Variants in DMD observed in about 807,000 individuals in gnomAD.
DMD encodes the protein mutant dystrophin.
Under a neutral mutation model 330.1 loss-of-function variants are expected in DMD, and 63 were observed. The observed-to-expected ratio is 0.19, with a 90% CI of 0.16 to 0.24. DMD has a LOEUF of 0.24. DMD is among the 10% of genes least tolerant of loss of function. DMD has a pLI of 1.00. For synonymous variants in DMD, 1,223 were observed against 959.8 expected (o/e 1.27, Z -5.07); for missense variants, 3,344 against 2,684.1 (o/e 1.25, Z -5.43).
intron 19 of DMD, among the ~76,000 whole-genome samples, chrX:32,495,928 G>T (rs1266684078): frequency 9.0e-6 from 1 of 111,611 alleles, no homozygotes; most frequent in Non-Finnish European, 1.9e-5. Flanking sequence ...TTTTGTTGTA[G>T]CACATTAGAA....
rs979390230 is a variant in DMD, at chrX:32,448,323, C to T, written c.3786+133G>A. The T allele has an allele frequency of 1.5e-5, 10 of 676,255 alleles. No individual in the cohort carries two copies. In the Admixed American group the frequency reaches 2.7e-4, roughly 18 times the overall value. The allele number at this position is 676,255 out of a possible 1,213,427, so 55.7% of individuals were successfully genotyped here. ...GTTAAGCAAATGGCCCAAAGTCATA[C>T]AACTTATAAGTGCCTGAATGAGGAA... is the stretch of plus-strand genomic sequence containing the variant. On this transcript the variant is annotated intron_variant, in intron 27 of 78. Coordinates refer to ENST00000357033, the MANE Select transcript of DMD (RefSeq NM_004006.3).
At chrX:31,963,042 T>G (rs372194452) in intron 45 of DMD, among the ~76,000 whole-genome samples, 4 of 111,911 alleles carry the variant, frequency 3.6e-5, no homozygotes, top group African/African-American at 1.3e-4. Flanking sequence ...GGGTGGGGTC[T>G]GAATTTGTAA....
At chrX:31,418,601 T>C (rs970617418) in intron 60 of DMD, among the ~76,000 whole-genome samples, 2 of 112,029 alleles carry the variant, frequency 1.8e-5, no homozygotes, top group African/African-American at 3.2e-5. Flanking sequence ...TGCGCACCAA[T>C]AGCAAAAACT....
chrX:31,284,605 C>CTTCTTCTTCTTCTTCTTCTTCTTTTT (rs776178641), intron 62 of DMD, among the ~76,000 whole-genome samples: 1 of 91,093 alleles, frequency 1.1e-5, no homozygotes, highest in African/African-American at 4.3e-5. Context: ...TCTTCTTCTT[C>CTTCTTCTTCTTCTTCTTCTTCTTTTT]TTTTTTTTGG....
chrX:31,136,258 C>CTCTCCTCTT (rs1166304220), intron 76 of DMD, among the ~76,000 whole-genome samples: 1 of 111,514 alleles, frequency 9.0e-6, no homozygotes, highest in Non-Finnish European at 1.9e-5. Flanking sequence ...CAAACTCTCT[C>CTCTCCTCTT]TCTCCTCTTT....
intron 4 of DMD, among the ~76,000 whole-genome samples, chrX:32,840,845 T>C (rs1250919976): frequency 2.7e-5 from 3 of 112,132 alleles, no homozygotes; most frequent in Non-Finnish European, 5.6e-5. Flanking sequence ...CAAATGAAAC[T>C]GCTATGAACA....
At chrX:33,035,585 A>G (rs2094191332) in intron 1 of DMD, among the ~76,000 whole-genome samples, 1 of 111,966 alleles carries the variant, frequency 8.9e-6, no homozygotes, top group African/African-American at 3.2e-5. Flanking sequence ...TAATACAGTA[A>G]TTGGAACTCA....
chrX:31,157,400 G>C (rs1040584474), intron 74 of DMD, among the ~76,000 whole-genome samples: 1 of 111,944 alleles, frequency 8.9e-6, no homozygotes, highest in Non-Finnish European at 1.9e-5. Flanking sequence ...CTGGAAATAA[G>C]ACAGACTAAC....
chrX:32,069,872 A>G, intron 44 of DMD, among the ~76,000 whole-genome samples: 1 of 111,940 alleles, frequency 8.9e-6, no homozygotes, highest in East Asian at 2.8e-4. Flanking sequence ...CATTACCTGC[A>G]TTCCAGAAAT....
intron 7 of DMD, among the ~76,000 whole-genome samples, chrX:32,729,366 T>A (rs2067258624): frequency 8.9e-6 from 1 of 112,029 alleles, no homozygotes; most frequent in African/African-American, 3.2e-5. Flanking sequence ...TTGCCCAATA[T>A]TTAGTCTTGA....
intron 26 of DMD, among the ~76,000 whole-genome samples, chrX:32,450,550 C>G (rs1360281590): frequency 1.8e-5 from 2 of 110,356 alleles, no homozygotes; most frequent in South Asian, 7.7e-4. Context: ...TCTGTGCCAG[C>G]CATGTCATAA....
intron 28 of DMD, among the ~76,000 whole-genome samples, chrX:32,440,866 C>A (rs779847156): frequency 2.9e-4 from 32 of 111,122 alleles, no homozygotes; most frequent in Non-Finnish European, 4.0e-4. Flanking sequence ...AGCCCTAAAG[C>A]AGTGAGTTTG....
At chrX:31,850,851 T>C (rs1226139591) in intron 48 of DMD, among the ~76,000 whole-genome samples, 2 of 112,632 alleles carry the variant, frequency 1.8e-5, no homozygotes, top group African/African-American at 6.5e-5. Flanking sequence ...ACAAACAATA[T>C]GTGATTTCTG....
Position 32,776,960 on chromosome X carries a change from T to G in DMD, c.649+32533A>C, listed in dbSNP as rs750444490. 8.1e-5 allele frequency among the ~76,000 whole-genome samples: 9 copies of G among 111,025 alleles called. No homozygotes were observed. The South Asian group carries it at 2.6e-3, about 33-fold the overall frequency. The stretch of plus-strand genomic sequence containing the variant: ...ATAGTATGAAATAAGGAAAACATAC[T>G]GCATTCTATGCACTGATAAAATGAA... On this transcript the variant is annotated intron_variant, in intron 7 of 78. Coordinates refer to ENST00000357033, the MANE Select transcript of DMD (RefSeq NM_004006.3).
In DMD at chrX:32,033,672, G is replaced by GAAA. The variant is rs1569534703; in HGVS notation, c.6439-65159_6439-65158insTTT. ...AAGAAAGAAGAAAGAAAGAAAGAAAGGAAGGAAAGAAAGAAAGAGAAAGAA... is the reference window on the plus strand; with the variant it reads ...AAGAAAGAAGAAAGAAAGAAAGAAAGAAAGAAGGAAAGAAAGAAAGAGAAAGAA... On this transcript the variant is annotated intron_variant, in intron 44 of 78. Transcript: ENST00000357033. Among the ~76,000 whole-genome samples the GAAA allele has an allele frequency of 5.0e-3, 370 of 74,216 alleles. 1 individual carries two copies. Among genetic ancestry groups the GAAA allele is most frequent in the Non-Finnish European group, 7.6e-3 (309 of 40,450 alleles). 64.4% of individuals were successfully genotyped at this position (74,216 alleles called of 115,157 possible). A position where few individuals can be genotyped will look rare whatever the true frequency, so the allele number is the denominator to read the frequency against.
At chrX:32,889,736 C>T (rs906862596) in intron 2 of DMD, among the ~76,000 whole-genome samples, 3 of 110,934 alleles carry the variant, frequency 2.7e-5, no homozygotes, top group Non-Finnish European at 1.9e-5. Flanking sequence ...CTAACTCCAC[C>T]GCCTATCCCA....
chrX:33,115,736 C>A (rs1305602449), intron 1 of DMD, among the ~76,000 whole-genome samples: 3 of 109,288 alleles, frequency 2.7e-5, no homozygotes, highest in Non-Finnish European at 5.7e-5. Context: ...AGGATGGTCT[C>A]GATCTCCTGA....
At chrX:31,922,718 G>A (rs1221345719) in intron 47 of DMD, among the ~76,000 whole-genome samples, 1 of 111,446 alleles carries the variant, frequency 9.0e-6, no homozygotes, top group Non-Finnish European at 1.9e-5. Context: ...CTGTGTTGAC[G>A]ATTGTTACGA....
chrX:32,731,645 G>T (rs1291049628), intron 7 of DMD, among the ~76,000 whole-genome samples: 1 of 111,950 alleles, frequency 8.9e-6, no homozygotes. Context: ...CTCCCCAAAA[G>T]GGGCATACTG....
Sources: allele counts gnomAD v4.1 joint callset (sites outside exome capture counted in the v4.1 genomes callset), GRCh38; gene constraint gnomAD v4.1.1; transcripts MANE v1.5; gene names NCBI Gene and HGNC (gene_info 2026-07-23, HGNC 2026-07-21).